The following IKZF2 variants were observed in gnomAD, a reference collection of about 807,000 sequenced individuals.
IKZF2 encodes the protein IKAROS family zinc finger 2, also known as zinc finger protein Helios.
Under a neutral mutation model 49.2 loss-of-function variants are expected in IKZF2, and 15 were observed. The observed-to-expected ratio is 0.30, with a 90% CI of 0.20 to 0.47. The LOEUF (loss-of-function observed/expected upper bound fraction) is 0.47, where lower values mean the gene tolerates loss of function less well. Ranked by LOEUF, IKZF2 falls within the 20% of genes least tolerant of loss-of-function variation. The pLI is 1.00. For synonymous variants in IKZF2, 227 were observed against 221.4 expected, an observed-to-expected ratio of 1.03 and a Z score of -0.23; for missense variants, 567 against 664.6, an observed-to-expected ratio of 0.85 and a Z score of 1.61.
chr2:213,086,003 G>C (rs549579965), intron 4 of IKZF2, among the ~76,000 whole-genome samples: 1 of 152,196 alleles, frequency 6.6e-6, no homozygotes, highest in East Asian at 1.9e-4. Flanking sequence ...GTGAGACGTG[G>C]GGTAAAGAAT....
intron 4 of IKZF2, among the ~76,000 whole-genome samples, chr2:213,070,998 A>T (rs931744724): frequency 1.3e-5 from 2 of 152,170 alleles, no homozygotes; most frequent in African/African-American, 4.8e-5. Flanking sequence ...GTCCTTCAAC[A>T]TTAGCCATTT....
chr2:213,106,172 A>C (rs1047563980), intron 4 of IKZF2, among the ~76,000 whole-genome samples: 8 of 152,292 alleles, frequency 5.3e-5, no homozygotes, highest in East Asian at 1.9e-4. Flanking sequence ...AATGACCAAT[A>C]ATTATAATCC....
chr2:213,000,868 A>G lies in IKZF2; in HGVS notation c.*6492T>C, dbSNP rs1266575018. 1 of 151,616 alleles carries G rather than the reference A, an allele frequency of 6.6e-6. No homozygotes were observed. Among genetic ancestry groups the G allele is most frequent in the Non-Finnish European group, 1.5e-5 (1 of 67,632 alleles). The allele number at this position is 151,616 out of a possible 1,614,324, so 9.4% of individuals were successfully genotyped here. A position where few individuals can be genotyped will look rare whatever the true frequency, so the allele number is the denominator to read the frequency against. On this transcript the variant is annotated 3_prime_UTR_variant, in exon 9 of 9. Transcript: ENST00000434687. ...AATCTGTAAAAAGTTCAACTTTAGG[A>G]CACATTTTTCAAGCAAAAGATTACT...
intron 4 of IKZF2, among the ~76,000 whole-genome samples, chr2:213,117,077 A>G (rs2059903842): frequency 6.6e-6 from 1 of 152,188 alleles, no homozygotes; most frequent in Non-Finnish European, 1.5e-5. Context: ...AAGGAAGAGA[A>G]GAAACAAATA....
intron 6 of IKZF2, among the ~76,000 whole-genome samples, chr2:213,038,224 A>C (rs964172753): frequency 3.3e-5 from 5 of 151,960 alleles, no homozygotes; most frequent in Non-Finnish European, 5.9e-5. Flanking sequence ...ACGCCCAGCT[A>C]ATTTTTTTGT....
upstream of IKZF2, among the ~76,000 whole-genome samples, chr2:213,151,950 C>T (rs1490951500): frequency 6.6e-6 from 1 of 151,562 alleles, no homozygotes; most frequent in African/African-American, 2.4e-5. Flanking sequence ...AAGTGCTGCC[C>T]CGGAGGCTCC....
intron 4 of IKZF2, among the ~76,000 whole-genome samples, chr2:213,087,914 A>G (rs1704839470): frequency 6.6e-6 from 1 of 152,210 alleles, no homozygotes; most frequent in African/African-American, 2.4e-5. Flanking sequence ...ACTGATGGAC[A>G]TTTGGGTTGG....
chr2:213,083,547 CTAACTT>C (rs1393802471), intron 4 of IKZF2, among the ~76,000 whole-genome samples: 1 of 124,966 alleles, frequency 8.0e-6, no homozygotes, highest in African/African-American at 3.1e-5. Context: ...CCACACCAGG[CTAACTT>C]TTTTTTTTTT....
At chr2:213,048,075 C>T (rs879909874) in intron 6 of IKZF2, among the ~76,000 whole-genome samples, 3 of 151,918 alleles carry the variant, frequency 2.0e-5, no homozygotes, top group Non-Finnish European at 2.9e-5. Flanking sequence ...TTTTAGATTC[C>T]AATTGGAAGC....
intron 6 of IKZF2, among the ~76,000 whole-genome samples, chr2:213,043,680 C>T (rs1466661192): frequency 6.6e-6 from 1 of 152,174 alleles, no homozygotes; most frequent in Admixed American, 6.5e-5. Context: ...ATTAGATTCT[C>T]ATAAGGAGCA....
intron 7 of IKZF2, among the ~76,000 whole-genome samples, chr2:213,018,132 C>G (rs1356726519): frequency 1.3e-5 from 2 of 152,010 alleles, no homozygotes; most frequent in African/African-American, 4.8e-5. Context: ...TTAGGTAAAA[C>G]AGGTAATAAC....
chr2:213,076,682 GT>G (rs1703298939), intron 4 of IKZF2, among the ~76,000 whole-genome samples: 2 of 152,142 alleles, frequency 1.3e-5, no homozygotes, highest in Admixed American at 6.5e-5. Context: ...ATCTTCAATT[GT>G]TTAGGATAAA....
intron 6 of IKZF2, among the ~76,000 whole-genome samples, chr2:213,026,119 C>G (rs779805132): frequency 6.6e-6 from 1 of 152,050 alleles, no homozygotes; most frequent in Non-Finnish European, 1.5e-5. Flanking sequence ...CATCTGGTCC[C>G]AAAGCACACA....
intron 4 of IKZF2, among the ~76,000 whole-genome samples, chr2:213,103,606 G>A (rs541523111): frequency 5.7e-4 from 87 of 152,148 alleles, no homozygotes; most frequent in African/African-American, 1.9e-3. Flanking sequence ...TCTCTGAAAG[G>A]AAATGTCTTC....
intron 6 of IKZF2, among the ~76,000 whole-genome samples, chr2:213,039,847 C>A (rs567348151): frequency 6.6e-6 from 1 of 151,954 alleles, no homozygotes; most frequent in South Asian, 2.1e-4. Flanking sequence ...TGAGGATGAA[C>A]AAAAATATTA....
chr2:213,071,984 A>G (rs995712666), intron 4 of IKZF2, among the ~76,000 whole-genome samples: 1 of 152,086 alleles, frequency 6.6e-6, no homozygotes, highest in African/African-American at 2.4e-5. Flanking sequence ...TATATTCACC[A>G]TCATTAGATA....
intron 2 of IKZF2, among the ~76,000 whole-genome samples, chr2:213,149,011 T>C (rs957748729): frequency 1.3e-5 from 2 of 152,220 alleles, no homozygotes; most frequent in African/African-American, 4.8e-5. Flanking sequence ...ACAATCACAC[T>C]GCAGTTTGAG....
At chr2:213,105,265 C>T (rs1420482124) in intron 4 of IKZF2, among the ~76,000 whole-genome samples, 2 of 152,140 alleles carry the variant, frequency 1.3e-5, no homozygotes, top group Admixed American at 1.3e-4. Flanking sequence ...CCTAGACTGC[C>T]TTCCCTCCCA....
chr2:213,131,279 C>T (rs1011436269), intron 4 of IKZF2, among the ~76,000 whole-genome samples: 8 of 152,230 alleles, frequency 5.3e-5, no homozygotes, highest in African/African-American at 1.7e-4. Context: ...CCATTTGATT[C>T]ATAGGATTCT....
Sources: gnomAD v4.1 joint callset for allele counts (sites outside exome capture counted in the v4.1 genomes callset) on GRCh38, gnomAD v4.1.1 for gene constraint, MANE v1.5 for transcripts, NCBI Gene and HGNC (gene_info 2026-07-23, HGNC 2026-07-21) for gene names.